ARHGAP21: variants seen among roughly 807,000 people sequenced by gnomAD.
ARHGAP21 encodes rho GTPase-activating protein 21.
In ARHGAP21, 38 loss-of-function variants were observed where a neutral mutation model predicts 164.6. The observed-to-expected ratio is 0.23, with a 90% CI of 0.18 to 0.30. ARHGAP21 has a LOEUF of 0.30. ARHGAP21 is among the 10% of genes least tolerant of loss of function. ARHGAP21 has a pLI of 1.00. For synonymous variants in ARHGAP21, 766 were observed against 857.9 expected (o/e 0.89, Z 1.87); for missense variants, 1,822 against 2,370.7 (o/e 0.77, Z 4.81).
intron 5 of ARHGAP21, among the ~76,000 whole-genome samples, chr10:24,634,573 G>A (rs142680534): frequency 7.2e-5 from 11 of 152,304 alleles, no homozygotes; most frequent in African/African-American, 1.4e-4. Context: ...CTTATGTTCC[G>A]CATTGGAGAC....
intron 11 of ARHGAP21, 38 bp from the exon 12 acceptor site, chr10:24,604,386 G>C (rs374436600): frequency 3.2e-5 from 46 of 1,438,418 alleles, no homozygotes; most frequent in Non-Finnish European, 4.3e-5. Flanking sequence ...TTCAATTAGT[G>C]CAAAAAAAAT....
intron 12 of ARHGAP21, among the ~76,000 whole-genome samples, chr10:24,603,983 CCTGT>C (rs1304989980): frequency 6.7e-6 from 1 of 149,924 alleles, no homozygotes; most frequent in African/African-American, 2.5e-5. Context: ...TAAGGAAATT[CCTGT>C]CTAATAGTTT....
In ARHGAP21 at chr10:24,723,552, A is replaced by G. The variant is rs1846140012; in HGVS notation, c.-381+10T>C. The G allele has an allele frequency of 6.8e-6, 1 of 146,582 alleles. No homozygotes were observed. The highest frequency in any genetic ancestry group is 1.5e-5 in the Non-Finnish European group (1 of 65,874). The allele number at this position is 146,582 out of a possible 1,614,324, so 9.1% of individuals were successfully genotyped here. On this transcript the variant is annotated intron_variant, in intron 1 of 25. Coordinates refer to ENST00000396432, the MANE Select transcript of ARHGAP21 (RefSeq NM_020824.4). ...TCTCGGCTGAGACGGAAAAGAAACC[A>G]GACACGCACCAGAGGAAGCGGGACG...
At chr10:24,664,429 C>CT (rs1839985058) in intron 4 of ARHGAP21, among the ~76,000 whole-genome samples, 1 of 151,828 alleles carries the variant, frequency 6.6e-6, no homozygotes, top group Non-Finnish European at 1.5e-5. Flanking sequence ...GTGGCGTGCG[C>CT]TTTTAGTCCC....
intron 6 of ARHGAP21, among the ~76,000 whole-genome samples, chr10:24,632,562 A>C (rs761484351): frequency 1.3e-5 from 2 of 152,306 alleles, no homozygotes; most frequent in South Asian, 4.1e-4. Flanking sequence ...AGTGTAAATA[A>C]TTTAGATTAC....
chr10:24,629,001 T>A (rs1835568173), intron 7 of ARHGAP21: 1 of 81,226 alleles, frequency 1.2e-5, no homozygotes, highest in Non-Finnish European at 2.3e-5. Flanking sequence ...TTTTTTTTTT[T>A]TTTTTTTTTT....
At chr10:24,719,009 A>C (rs1156879685) in intron 2 of ARHGAP21, among the ~76,000 whole-genome samples, 1 of 152,038 alleles carries the variant, frequency 6.6e-6, no homozygotes, top group Non-Finnish European at 1.5e-5. Flanking sequence ...AGGGGTGATA[A>C]TATCATAGAG....
chr10:24,654,276 G>A (rs1485892808), intron 4 of ARHGAP21, among the ~76,000 whole-genome samples: 1 of 152,184 alleles, frequency 6.6e-6, no homozygotes, highest in African/African-American at 2.4e-5. Context: ...GTTCTGGCCA[G>A]GGCAATCAGG....
intron 4 of ARHGAP21, among the ~76,000 whole-genome samples, chr10:24,656,271 G>A (rs1347117225): frequency 1.8e-5 from 2 of 111,608 alleles, no homozygotes; most frequent in African/African-American, 7.9e-5. Flanking sequence ...AGGCACCTCT[G>A]CCCGGCCGCC....
rs1238794963 is a variant in ARHGAP21, at chr10:24,625,050, T to TGTG, written c.496-2289_496-2288insCAC. On this transcript the variant is annotated intron_variant, in intron 7 of 25. Transcript: ENST00000396432. ...ATTAGATACAAAAAGCTCTAAAAAG[T>TGTG]GGGGGGGGGGGGGGAGGAGGAGGAG... is the stretch of plus-strand genomic sequence containing the variant. 9.0e-3 allele frequency among the ~76,000 whole-genome samples: 7 copies of TGTG among 778 alleles called. 1 individual carries two copies. Among genetic ancestry groups the TGTG allele is most frequent in the Admixed American group, 0.033 (1 of 30 alleles). 0.5% of individuals were successfully genotyped at this position (778 alleles called of 152,430 possible). A position where few individuals can be genotyped will look rare whatever the true frequency, so the allele number is the denominator to read the frequency against.
At chr10:24,628,810 T>TATAC (rs1835411411) in intron 7 of ARHGAP21, among the ~76,000 whole-genome samples, 2 of 102,034 alleles carry the variant, frequency 2.0e-5, no homozygotes, top group African/African-American at 3.6e-5. Flanking sequence ...TATATACATA[T>TATAC]ATATACATAT....
chr10:24,644,229 A>C (rs1837348252), intron 4 of ARHGAP21, among the ~76,000 whole-genome samples: 1 of 152,136 alleles, frequency 6.6e-6, no homozygotes, highest in Non-Finnish European at 1.5e-5. Flanking sequence ...ACTTCATGTG[A>C]GAAAATCCCT....
intron 4 of ARHGAP21, among the ~76,000 whole-genome samples, chr10:24,651,514 A>G (rs1593167230): frequency 6.6e-6 from 1 of 152,354 alleles, no homozygotes. Flanking sequence ...ACTCAACACC[A>G]ATTATCAGAT....
At chr10:24,683,616 G>T (rs1378328557) in intron 2 of ARHGAP21, among the ~76,000 whole-genome samples, 1 of 151,752 alleles carries the variant, frequency 6.6e-6, no homozygotes, top group Non-Finnish European at 1.5e-5. Flanking sequence ...CTCAGCCTAG[G>T]GTATGTCTTT....
intron 2 of ARHGAP21, among the ~76,000 whole-genome samples, chr10:24,686,265 C>T (rs1359802567): frequency 6.6e-6 from 1 of 151,892 alleles, no homozygotes; most frequent in Non-Finnish European, 1.5e-5. Flanking sequence ...CCTGTCTCTA[C>T]AAAAAATTTA....
intron 9 of ARHGAP21, among the ~76,000 whole-genome samples, chr10:24,617,982 G>A (rs1398011455): frequency 1.3e-5 from 2 of 152,120 alleles, no homozygotes; most frequent in African/African-American, 4.8e-5. Flanking sequence ...CCATATAAAT[G>A]GCGTGCTCCC....
In ARHGAP21 at chr10:24,585,821, T is replaced by C; in HGVS notation, c.4468A>G (p.Lys1490Glu). The change falls in exon 26 of 26, where the codon AAG becomes GAG. Residue 1490 changes from lysine to glutamate, a missense_variant. Physicochemically the swap from Lys to Glu is moderately conservative, Grantham distance 56. Around this residue, in one of 5 missense-constraint regions of ARHGAP21, gnomAD observed 333 missense variants for 383.9 expected, o/e 0.87. Transcript: ENST00000396432. Reference protein sequence around the residue: ...RKDPSTTKDEKISLGKESTPS... With the variant: ...RKDPSTTKDEEISLGKESTPS... ...GTGCTCTCTTTTCCTAGTGATATCT[T>C]TTCATCTTTTGTCGTGCTGGGGTCT... The C allele has an allele frequency of 1.9e-6, 3 of 1,613,926 alleles. No individual in the cohort carries two copies. Among genetic ancestry groups the C allele is most frequent in the Non-Finnish European group, 2.5e-6 (3 of 1,179,858 alleles).
At chr10:24,591,568 G>T in intron 23 of ARHGAP21, 74 bp downstream of exon 23, 1 of 1,554,712 alleles carries the variant, frequency 6.4e-7, no homozygotes, top group Non-Finnish European at 8.9e-7. Flanking sequence ...GCAGGAAGTT[G>T]ACATTGTTGG....
intron 2 of ARHGAP21, among the ~76,000 whole-genome samples, chr10:24,691,563 G>C (rs7072995): frequency 1.3e-5 from 2 of 152,204 alleles, no homozygotes; most frequent in Non-Finnish European, 2.9e-5. Flanking sequence ...ACACATTTTA[G>C]AGGCATTGGT....
Sources: gnomAD v4.1 joint callset for allele counts (sites outside exome capture counted in the v4.1 genomes callset) on GRCh38, gnomAD v4.1.1 for gene constraint, gnomAD v4.1.1 regional missense constraint, MANE v1.5 for transcripts, NCBI Gene and HGNC (gene_info 2026-07-23, HGNC 2026-07-21) for gene names.